SPTLC2: variants seen among roughly 807,000 people sequenced by gnomAD.
SPTLC2 encodes the protein serine palmitoyltransferase 2.
SPTLC2 carries 21 observed loss-of-function variants against 62.0 expected under a neutral mutation model. The observed-to-expected ratio is 0.34, with a 90% confidence interval of 0.24 to 0.49. The LOEUF is 0.49. SPTLC2 is among the 20% of genes least tolerant of loss of function. The probability of loss-of-function intolerance (pLI) is 0.99; values close to 1 mark genes in which losing one functional copy is unlikely to be tolerated. For synonymous variants in SPTLC2, 261 were observed against 261.8 expected (o/e 1.00, Z 0.03); for missense variants, 511 against 713.0 (o/e 0.72, Z 3.23).
chr14:77,568,847 A>G (rs1485852669), intron 5 of SPTLC2, among the ~76,000 whole-genome samples: 1 of 150,916 alleles, frequency 6.6e-6, no homozygotes. Flanking sequence ...TAATGTCTCT[A>G]ATTACAATTT....
chr14:77,519,049 GT>G (rs1378493791), intron 10 of SPTLC2, among the ~76,000 whole-genome samples: 1 of 152,138 alleles, frequency 6.6e-6, no homozygotes, highest in Non-Finnish European at 1.5e-5. Context: ...ACTAAATTAT[GT>G]GGGTTTTTTT....
At chr14:77,565,325 G>A (rs2079639060) in intron 5 of SPTLC2, among the ~76,000 whole-genome samples, 1 of 150,758 alleles carries the variant, frequency 6.6e-6, no homozygotes, top group African/African-American at 2.4e-5. Context: ...TAAAGTTAGT[G>A]GGTGAAAGTT....
chr14:77,517,052 G>A (rs935498523), intron 11 of SPTLC2, among the ~76,000 whole-genome samples: 1 of 152,174 alleles, frequency 6.6e-6, no homozygotes, highest in African/African-American at 2.4e-5. Context: ...TTCGAGACCA[G>A]CCTGACCAAC....
intron 1 of SPTLC2, among the ~76,000 whole-genome samples, chr14:77,610,608 A>G (rs923824070): frequency 6.6e-6 from 1 of 152,122 alleles, no homozygotes; most frequent in Non-Finnish European, 1.5e-5. Context: ...TTTTTGGAGT[A>G]AGACTGGATC....
intron 6 of SPTLC2, among the ~76,000 whole-genome samples, chr14:77,559,527 G>GT (rs1320310672): frequency 4.6e-5 from 7 of 152,276 alleles, no homozygotes; most frequent in African/African-American, 1.4e-4. Context: ...TCGTAAAACA[G>GT]TAAGTGTGGC....
intron 9 of SPTLC2, chr14:77,535,968 T>A (rs768929507): frequency 2.2e-6 from 1 of 455,452 alleles, no homozygotes; most frequent in South Asian, 1.6e-5. Flanking sequence ...GATAGGTATT[T>A]CTTGTTTGGA....
rs1026252292 is a variant in SPTLC2 at position 77,570,475 on chromosome 14, A to C, written c.665T>G (p.Leu222Arg). ...NLDKHEELEE[L>R]VARFLGVEAA... ...TTCTACTCCTAAGAACCTTGCTACA[A>C]GCTCCTCTAGTTCTTCATGCTTGTC... Residue 222 changes from leucine (L) to arginine (R), a missense_variant, in exon 5 of 12, where the codon CTT (leucine) becomes CGT (arginine). Coordinates refer to ENST00000216484, the MANE Select transcript of SPTLC2 (RefSeq NM_004863.4). The C allele has an allele frequency of 1.9e-6, 3 of 1,613,994 alleles. No individual in the cohort carries two copies. The highest frequency in any genetic ancestry group is 2.5e-6 in the Non-Finnish European group (3 of 1,179,986).
At chr14:77,607,367 T>C (rs1006908524) in intron 1 of SPTLC2, among the ~76,000 whole-genome samples, 3 of 152,232 alleles carry the variant, frequency 2.0e-5, no homozygotes, top group Non-Finnish European at 4.4e-5. Flanking sequence ...TAATTGCCAT[T>C]AAATGGTTTC....
chr14:77,557,546 A>G (rs2079591356), intron 6 of SPTLC2, among the ~76,000 whole-genome samples: 2 of 152,330 alleles, frequency 1.3e-5, no homozygotes, highest in Admixed American at 6.5e-5. Flanking sequence ...AGAGCGAGAG[A>G]GTGTGAATAA....
At chr14:77,526,171 CAT>C (rs1440771778) in intron 9 of SPTLC2, among the ~76,000 whole-genome samples, 1 of 152,148 alleles carries the variant, frequency 6.6e-6, no homozygotes, top group Non-Finnish European at 1.5e-5. Flanking sequence ...TAACAGACAA[CAT>C]AGTTACCCAC....
rs765520235 is a variant in SPTLC2, at chr14:77,518,157, G to A, written c.1450C>T (p.Arg484Trp). The A allele has an allele frequency of 3.3e-5, 53 of 1,613,954 alleles. No homozygotes were observed. The highest frequency in any genetic ancestry group is 4.2e-5 in the Non-Finnish European group (50 of 1,180,028). ...YMPAKIGAFG[R>W]EMLKRNIGVV... ...CCGATGTTCCGCTTCAGCATCTCCC[G>A]TCCAAAGGCGCTGCAAAGGGGAAAA... Residue 484 changes from arginine to tryptophan, a missense_variant, in exon 11 of 12, where the codon CGG becomes TGG. By Grantham distance (101) the Arg-to-Trp change is moderately radical. Transcript: ENST00000216484.
intron 5 of SPTLC2, among the ~76,000 whole-genome samples, chr14:77,569,790 A>G (rs369805709): frequency 3.1e-5 from 4 of 128,392 alleles, no homozygotes; most frequent in Non-Finnish European, 6.9e-5. Flanking sequence ...GTAATATGTA[A>G]TATATATAAT....
At chr14:77,551,611 A>G (rs1052123037) in intron 9 of SPTLC2, among the ~76,000 whole-genome samples, 2 of 152,208 alleles carry the variant, frequency 1.3e-5, no homozygotes, top group Non-Finnish European at 2.9e-5. Flanking sequence ...CAAGGCATCT[A>G]GTTGGGACTA....
chr14:77,554,150 G>T (rs1376391106), intron 8 of SPTLC2, among the ~76,000 whole-genome samples: 1 of 152,140 alleles, frequency 6.6e-6, no homozygotes, highest in African/African-American at 2.4e-5. Flanking sequence ...ATATTGAGTG[G>T]TGAAGCAAAA....
In SPTLC2 at chr14:77,511,893, T is replaced by C. The variant is rs905178689; in HGVS notation, c.*391A>G. 3.4e-6 allele frequency: 1 copy of C among 290,542 alleles called. No individual in the cohort carries two copies. Among genetic ancestry groups the C allele is most frequent in the Non-Finnish European group, 6.7e-6 (1 of 149,428 alleles). 18.0% of individuals were successfully genotyped at this position (290,542 alleles called of 1,614,324 possible). On this transcript the variant is annotated 3_prime_UTR_variant, in exon 12 of 12. Transcript: ENST00000216484. ...AGGAGGGCCAGGTAAGTATCCAGGCTGCGGAGCCAGGGCCAGCAGTAGCTC... is the reference window on the plus strand; with the variant it reads ...AGGAGGGCCAGGTAAGTATCCAGGCCGCGGAGCCAGGGCCAGCAGTAGCTC...
intron 1 of SPTLC2, among the ~76,000 whole-genome samples, chr14:77,613,914 CT>C (rs891740151): frequency 6.6e-6 from 1 of 152,188 alleles, no homozygotes; most frequent in Non-Finnish European, 1.5e-5. Context: ...CAAGATCTCT[CT>C]TTTGTATAAG....
chr14:77,593,694 A>C (rs898496734), intron 2 of SPTLC2, among the ~76,000 whole-genome samples: 1 of 152,224 alleles, frequency 6.6e-6, no homozygotes, highest in Non-Finnish European at 1.5e-5. Context: ...AACACAGTTA[A>C]ACTGGGCTCT....
intron 4 of SPTLC2, among the ~76,000 whole-genome samples, chr14:77,571,338 T>C (rs546596389): frequency 7.8e-4 from 119 of 152,070 alleles, no homozygotes; most frequent in Non-Finnish European, 1.4e-3. Flanking sequence ...GGTGAAACCT[T>C]GTCTCTACTC....
intron 4 of SPTLC2, among the ~76,000 whole-genome samples, chr14:77,573,326 C>T (rs1259455831): frequency 2.0e-5 from 3 of 152,000 alleles, no homozygotes; most frequent in Admixed American, 6.6e-5. Flanking sequence ...AATAGCTAGA[C>T]GAGAGGACTT....
Sources: gnomAD v4.1 joint callset for allele counts (sites outside exome capture counted in the v4.1 genomes callset) on GRCh38, gnomAD v4.1.1 for gene constraint, MANE v1.5 for transcripts, NCBI Gene and HGNC (gene_info 2026-07-23, HGNC 2026-07-21) for gene names.